The following C10orf90 variants were observed in gnomAD, a reference collection of about 807,000 sequenced individuals.
C10orf90 encodes (E2-independent) E3 ubiquitin-conjugating enzyme FATS.
A neutral mutation model predicts 62.5 loss-of-function variants in C10orf90; 56 were observed. The ratio of observed to expected loss-of-function variants is 0.90; its 90% CI spans 0.72 to 1.12. The LOEUF is 1.12. Ranked by LOEUF, C10orf90 falls within the 50% of genes most tolerant of loss-of-function variation. The probability of loss-of-function intolerance (pLI) is 0.00; values close to 1 mark genes in which losing one functional copy is unlikely to be tolerated. For synonymous variants in C10orf90, 386 were observed against 340.4 expected, an observed-to-expected ratio of 1.13 and a Z score of -1.47; for missense variants, 970 against 880.4, an observed-to-expected ratio of 1.10 and a Z score of -1.29.
At position 126,661,671 on chromosome 10, in the gene C10orf90, T is replaced by TC. The variant is rs200109338; in HGVS notation, c.240+8569_240+8570insG. 4.2e-3 allele frequency among the ~76,000 whole-genome samples: 398 copies of TC among 95,686 alleles called. 2 individuals carry two copies. The highest frequency in any genetic ancestry group is 0.034 in the South Asian group (92 of 2,730). 62.8% of individuals were successfully genotyped at this position (95,686 alleles called of 152,430 possible). ...GAATCTCACTCTTGCTCTCTCTCTC[T>TC]TTTTTTTTTTTTCTCTCTTGTCTTC... On this transcript the variant is annotated intron_variant, in intron 1 of 9. Transcript: ENST00000488181.
chr10:126,663,418 T>C (rs1476127047), intron 1 of C10orf90, among the ~76,000 whole-genome samples: 3 of 152,218 alleles, frequency 2.0e-5, no homozygotes, highest in Admixed American at 6.5e-5. Flanking sequence ...CCGCCGCTCC[T>C]AACTGTGTCA....
At position 126,594,961 on chromosome 10, in the gene C10orf90, G is replaced by A. The variant is rs143932210; in HGVS notation, c.313+51604C>T. Among the ~76,000 whole-genome samples, 10 of 152,274 alleles carry A rather than the reference G, an allele frequency of 6.6e-5. No homozygotes were observed. The East Asian group carries it at 1.9e-3, about 29-fold the overall frequency. ...CCTGGAGAGTCTTAAGGTGGAAGAG[G>A]AGAGACATGATCAGGTTCATGCTAA... On this transcript the variant is annotated intron_variant, in intron 2 of 9. Transcript: ENST00000488181.
intron 1 of C10orf90, among the ~76,000 whole-genome samples, chr10:126,668,387 G>A (rs966910487): frequency 2.6e-5 from 4 of 152,048 alleles, no homozygotes; most frequent in African/African-American, 7.2e-5. Context: ...GGAGTCACTG[G>A]GCCAAGTCCA....
In C10orf90 at chr10:126,450,688, G is replaced by C. The variant is rs147264320; in HGVS notation, c.2188+8352C>G. ...TTTAATTTACACCATATTTAAAAATGAACTGAAAATGAATTAAAGAGTTAA... is the reference window on the plus strand; with the variant it reads ...TTTAATTTACACCATATTTAAAAATCAACTGAAAATGAATTAAAGAGTTAA... On this transcript the variant is annotated intron_variant, in intron 7 of 9. Transcript: ENST00000488181. 3.3e-5 allele frequency among the ~76,000 whole-genome samples: 5 copies of C among 152,258 alleles called. No homozygotes were observed. In the East Asian group the frequency reaches 9.6e-4, roughly 29 times the overall value.
At chr10:126,429,915 A>G (rs1857474550) in intron 7 of C10orf90, 65 bp from the exon 8 acceptor site, 5 of 1,373,136 alleles carry the variant, frequency 3.6e-6, no homozygotes, top group Non-Finnish European at 5.2e-6. Context: ...CTAGAGAAAC[A>G]TTGTGATTAG....
chr10:126,458,134 AC>A (rs1186610062), intron 7 of C10orf90, among the ~76,000 whole-genome samples: 1 of 151,974 alleles, frequency 6.6e-6, no homozygotes, highest in African/African-American at 2.4e-5. Context: ...CTATTACAAC[AC>A]CATTTTCCTC....
chr10:126,620,532 G>A (rs1370104), intron 2 of C10orf90, among the ~76,000 whole-genome samples: 4,884 of 152,254 alleles, frequency 0.032, 125 homozygotes, highest in South Asian at 0.073. Flanking sequence ...TTAAAAGAAT[G>A]TCATTCATTA....
intron 4 of C10orf90, among the ~76,000 whole-genome samples, chr10:126,491,424 A>G (rs934395558): frequency 3.9e-5 from 6 of 152,386 alleles, no homozygotes; most frequent in Admixed American, 2.0e-4. Flanking sequence ...GCACTTTAAT[A>G]TAAGTATATT....
At chr10:126,652,405 A>G (rs1846309543) in intron 1 of C10orf90, among the ~76,000 whole-genome samples, 1 of 152,190 alleles carries the variant, frequency 6.6e-6, no homozygotes, top group Non-Finnish European at 1.5e-5. Flanking sequence ...AGTTCAATCT[A>G]TCTGTCTCTC....
intron 5 of C10orf90, 78 bp downstream of exon 5, chr10:126,464,618 G>A (rs1590952864): frequency 2.8e-6 from 4 of 1,410,552 alleles, no homozygotes; most frequent in East Asian, 2.3e-5. Context: ...CAGTATGCAC[G>A]AGGTCCAGGT....
intron 1 of C10orf90, 127 bp downstream of exon 1, chr10:126,670,114 G>A (rs1591188997): frequency 8.6e-6 from 3 of 347,374 alleles, no homozygotes; most frequent in South Asian, 2.2e-5. Flanking sequence ...ATCCCTTAGG[G>A]AAGTCTACAA....
chr10:126,431,326 C>T (rs57198985), intron 7 of C10orf90, among the ~76,000 whole-genome samples: 2,016 of 152,210 alleles, frequency 0.013, 42 homozygotes, highest in African/African-American at 0.047. Flanking sequence ...AGGTATGAGG[C>T]CTCTAAGGAC....
At chr10:126,609,272 G>A (rs1486159419) in intron 2 of C10orf90, among the ~76,000 whole-genome samples, 1 of 152,114 alleles carries the variant, frequency 6.6e-6, no homozygotes, top group Non-Finnish European at 1.5e-5. Flanking sequence ...GCATGGTGGT[G>A]GGCATCTGTA....
chr10:126,636,614 C>T (rs1389435678), intron 2 of C10orf90, among the ~76,000 whole-genome samples: 2 of 152,170 alleles, frequency 1.3e-5, no homozygotes, highest in Non-Finnish European at 2.9e-5. Context: ...GATAAATATT[C>T]CTTTTCTGCT....
intron 2 of C10orf90, among the ~76,000 whole-genome samples, chr10:126,546,601 A>C (rs550644354): frequency 6.6e-6 from 1 of 152,304 alleles, no homozygotes; most frequent in East Asian, 1.9e-4. Context: ...GGGAGATGTC[A>C]GTGGAGGCTG....
At chr10:126,531,265 T>G (rs949291400) in intron 2 of C10orf90, among the ~76,000 whole-genome samples, 1 of 152,182 alleles carries the variant, frequency 6.6e-6, no homozygotes, top group Admixed American at 6.5e-5. Context: ...TTGATTTTGC[T>G]GCCCAGGGGA....
intron 1 of C10orf90, among the ~76,000 whole-genome samples, chr10:126,664,268 A>G (rs1412861450): frequency 6.6e-6 from 1 of 152,042 alleles, no homozygotes; most frequent in Non-Finnish European, 1.5e-5. Flanking sequence ...TTTAAACAAG[A>G]CCTGCTTACA....
At chr10:126,490,318 T>A (rs1861699360) in intron 4 of C10orf90, among the ~76,000 whole-genome samples, 1 of 149,956 alleles carries the variant, frequency 6.7e-6, no homozygotes, top group Non-Finnish European at 1.5e-5. Flanking sequence ...ATACCTAGAG[T>A]GGTCACATTC....
At chr10:126,526,061 C>CACACAA (rs1327540280) in intron 2 of C10orf90, among the ~76,000 whole-genome samples, 1 of 147,806 alleles carries the variant, frequency 6.8e-6, no homozygotes, top group African/African-American at 2.5e-5. Context: ...CACACACACA[C>CACACAA]AAAAGAAGCA....
Sources: allele counts gnomAD v4.1 joint callset (sites outside exome capture counted in the v4.1 genomes callset), GRCh38; gene constraint gnomAD v4.1.1; transcripts MANE v1.5; gene names NCBI Gene and HGNC (gene_info 2026-07-23, HGNC 2026-07-21).